The following AFAP1 variants were observed in gnomAD, a reference collection of about 807,000 sequenced individuals.
The protein encoded by AFAP1 is actin filament associated protein 1.
A neutral mutation model predicts 93.9 loss-of-function variants in AFAP1; 75 were observed. The observed-to-expected ratio is 0.80, with a 90% confidence interval of 0.66 to 0.97. AFAP1 has a LOEUF of 0.97. Among genes scored for constraint, AFAP1 ranks in the 50% least tolerant of loss-of-function variants. The pLI is 0.00. For missense variants in AFAP1, 1,201 were observed against 1,050.8 expected (o/e 1.14, Z -1.98); for synonymous variants, 517 against 430.7 (o/e 1.20, Z -2.48).
chr4:7,825,313 G>T (rs1721327351), intron 6 of AFAP1, among the ~76,000 whole-genome samples: 1 of 152,090 alleles, frequency 6.6e-6, no homozygotes, highest in African/African-American at 2.4e-5. Context: ...CTCACCAGGG[G>T]TTGTTCCTTT....
chr4:7,894,515 A>C (rs2149210728), intron 1 of AFAP1, among the ~76,000 whole-genome samples: 1 of 152,162 alleles, frequency 6.6e-6, no homozygotes, highest in East Asian at 1.9e-4. Context: ...GACGGCGGCA[A>C]CCCCGGGACT....
chr4:7,867,129 AGCGGAGGGG>A, intron 3 of AFAP1, among the ~76,000 whole-genome samples: 2 of 21,920 alleles, frequency 9.1e-5, no homozygotes, highest in Non-Finnish European at 2.3e-4. Context: ...AGGGTAGGGG[AGCGGAGGGG>A]AGGGGAGGGG....
At chr4:7,834,691 G>A (rs543088468) in intron 6 of AFAP1, among the ~76,000 whole-genome samples, 2 of 152,374 alleles carry the variant, frequency 1.3e-5, no homozygotes, top group South Asian at 4.1e-4. Context: ...GCAGCTGAGG[G>A]GCAAGGCAGA....
In AFAP1 at chr4:7,786,114, C is replaced by T. The variant is rs144595018; in HGVS notation, c.1530+80G>A. On this transcript the variant is annotated intron_variant, in intron 12 of 17. Coordinates refer to ENST00000420658, the MANE Select transcript of AFAP1 (RefSeq NM_001134647.2). Reference sequence around the variant, plus strand: ...AAGCTGACCTTATTCAGACCTGAAACCAGGGGAACTGAAGCACAGAATTTT... The same window carrying T: ...AAGCTGACCTTATTCAGACCTGAAATCAGGGGAACTGAAGCACAGAATTTT... The T allele has an allele frequency of 3.1e-4, 408 of 1,332,634 alleles. 1 individual carries two copies. The African/African-American group carries it at 5.5e-3, about 18-fold the overall frequency. The allele number at this position is 1,332,634 out of a possible 1,614,324, so 82.6% of individuals were successfully genotyped here.
In AFAP1 at chr4:7,841,778, T is replaced by G. The variant is rs115936061; in HGVS notation, c.546+1361A>C. 4.3e-3 allele frequency among the ~76,000 whole-genome samples: 649 copies of G among 152,222 alleles called. 10 individuals are homozygous for G. The highest frequency in any genetic ancestry group is 0.015 in the African/African-American group (616 of 41,542). On this transcript the variant is annotated intron_variant, in intron 5 of 17. Coordinates refer to ENST00000420658, the MANE Select transcript of AFAP1 (RefSeq NM_001134647.2). ...CTGCTTTTCCACTAATTTCTTCTTA[T>G]TCACAACTACTCTTAGTAGTAGGTA...
intron 3 of AFAP1, among the ~76,000 whole-genome samples, chr4:7,866,524 C>T (rs898805855): frequency 1.3e-5 from 2 of 152,180 alleles, no homozygotes; most frequent in Non-Finnish European, 2.9e-5. Flanking sequence ...TCTCAGTTCC[C>T]GCTCCATCTC....
intron 16 of AFAP1, among the ~76,000 whole-genome samples, chr4:7,769,296 T>G (rs890861411): frequency 5.3e-5 from 8 of 152,172 alleles, no homozygotes; most frequent in Non-Finnish European, 1.0e-4. Flanking sequence ...CCTAGTCTTT[T>G]GCATTCAAAG....
intron 1 of AFAP1, among the ~76,000 whole-genome samples, chr4:7,918,669 A>C (rs1328404088): frequency 2.1e-5 from 3 of 145,856 alleles, no homozygotes; most frequent in Non-Finnish European, 4.5e-5. Context: ...GGTCACCCGC[A>C]AACAGGGCTG....
Position 7,829,393 on chromosome 4 carries a change from TTATTTTCTCTGATATCC to T in AFAP1, c.726+9114_726+9130del, listed in dbSNP as rs1427181190. Among the ~76,000 whole-genome samples the T allele has an allele frequency of 2.0e-5, 3 of 152,232 alleles. No individual in the cohort carries two copies. In the East Asian group the frequency reaches 5.8e-4, roughly 29 times the overall value. On this transcript the variant is annotated intron_variant, in intron 6 of 17. Transcript: ENST00000420658. ...ACTGCCTATCTGACTACAAAAAGAC[TTATTTTCTCTGATATCC>T]TACCACTTCCCTGAGGCCTCCTCTT...
intron 5 of AFAP1, among the ~76,000 whole-genome samples, chr4:7,839,275 G>T (rs868401401): frequency 5.9e-5 from 9 of 152,066 alleles, no homozygotes; most frequent in Non-Finnish European, 8.8e-5. Flanking sequence ...GCCCGAGGCT[G>T]CAGTGAGCCA....
At chr4:7,848,404 G>A (rs1714062359) in intron 4 of AFAP1, among the ~76,000 whole-genome samples, 1 of 152,202 alleles carries the variant, frequency 6.6e-6, no homozygotes. Context: ...CAGGGAGGCA[G>A]ATGGTGAAAC....
intron 1 of AFAP1, among the ~76,000 whole-genome samples, chr4:7,898,872 G>T (rs1422118418): frequency 1.4e-5 from 2 of 147,076 alleles, no homozygotes; most frequent in Non-Finnish European, 3.0e-5. Flanking sequence ...ATATATATGT[G>T]TGTGTGGTGT....
At chr4:7,783,152 T>C (rs927996530) in intron 12 of AFAP1, among the ~76,000 whole-genome samples, 1 of 152,048 alleles carries the variant, frequency 6.6e-6, no homozygotes, top group Non-Finnish European at 1.5e-5. Flanking sequence ...TGAACTTTTT[T>C]TTTTTGAGAT....
chr4:7,790,750 G>A (rs997723811), intron 11 of AFAP1, among the ~76,000 whole-genome samples: 2 of 152,134 alleles, frequency 1.3e-5, no homozygotes, highest in African/African-American at 4.8e-5. Context: ...TGATTAGAAA[G>A]AATATAATTA....
At chr4:7,888,551 C>T (rs28394221) in intron 1 of AFAP1, among the ~76,000 whole-genome samples, 17,439 of 152,064 alleles carry the variant, frequency 0.11, 1,166 homozygotes, top group Non-Finnish European at 0.16. Flanking sequence ...CTTTCAGAAA[C>T]GGAAAAGAAT....
chr4:7,929,146 G>A (rs952633872), intron 1 of AFAP1, among the ~76,000 whole-genome samples: 2 of 152,206 alleles, frequency 1.3e-5, no homozygotes, highest in Non-Finnish European at 2.9e-5. Flanking sequence ...GCCTTGCTTT[G>A]CAGATGAAAT....
At chr4:7,828,196 T>C (rs770909062) in intron 6 of AFAP1, among the ~76,000 whole-genome samples, 5 of 152,142 alleles carry the variant, frequency 3.3e-5, no homozygotes, top group Non-Finnish European at 5.9e-5. Context: ...CACTCTGTGT[T>C]CACCTAGGGC....
At chr4:7,765,682 T>C (rs960406183) in intron 17 of AFAP1, among the ~76,000 whole-genome samples, 2 of 152,216 alleles carry the variant, frequency 1.3e-5, no homozygotes, top group African/African-American at 4.8e-5. Context: ...GCAGACACCA[T>C]GCAGGACAGA....
intron 1 of AFAP1, among the ~76,000 whole-genome samples, chr4:7,895,137 G>A (rs1011796307): frequency 6.6e-6 from 1 of 152,240 alleles, no homozygotes; most frequent in Non-Finnish European, 1.5e-5. Context: ...ATGATAGAAC[G>A]ATCTGGACAC....
Sources: gnomAD v4.1 joint callset for allele counts (sites outside exome capture counted in the v4.1 genomes callset) on GRCh38, gnomAD v4.1.1 for gene constraint, MANE v1.5 for transcripts, NCBI Gene and HGNC (gene_info 2026-07-23, HGNC 2026-07-21) for gene names.